Variants in PRR15L observed in about 807,000 individuals in gnomAD.
PRR15L encodes the protein proline rich 15 like.
A neutral mutation model predicts 3.7 loss-of-function variants in PRR15L; 1 was observed. The observed-to-expected ratio is 0.27, with a 90% CI of 0.09 to 1.27. The LOEUF (loss-of-function observed/expected upper bound fraction) is 1.27, where lower values mean the gene tolerates loss of function less well. Among genes scored for constraint, PRR15L ranks in the 50% most tolerant of loss-of-function variants. The pLI is 0.47. For synonymous variants in PRR15L, 57 were observed against 51.9 expected, an observed-to-expected ratio of 1.10 and a Z score of -0.42; for missense variants, 127 against 128.7, an observed-to-expected ratio of 0.99 and a Z score of 0.06.
chr17:47,954,982 T>G (rs771576979), intron 1 of PRR15L, among the ~76,000 whole-genome samples: 7 of 145,036 alleles, frequency 4.8e-5, no homozygotes, highest in Admixed American at 1.5e-4. Context: ...CAGGCTGGAG[T>G]AAAATGGCAT....
intron 1 of PRR15L, among the ~76,000 whole-genome samples, chr17:47,957,013 C>G (rs2036137501): frequency 6.6e-6 from 1 of 152,266 alleles, no homozygotes; most frequent in Admixed American, 6.5e-5. Flanking sequence ...CCAGCTTCAC[C>G]TCTGCTGTTT....
intron 1 of PRR15L, among the ~76,000 whole-genome samples, chr17:47,957,128 C>G (rs1034685348): frequency 2.3e-4 from 35 of 152,264 alleles, no homozygotes; most frequent in African/African-American, 8.2e-4. Context: ...AGAGGCCCCT[C>G]CATACCAGCT....
At chr17:47,957,106 G>T (rs1321430929) in intron 1 of PRR15L, among the ~76,000 whole-genome samples, 2 of 152,260 alleles carry the variant, frequency 1.3e-5, no homozygotes, top group Non-Finnish European at 2.9e-5. Flanking sequence ...GCATGCACAT[G>T]GGTGTCCCAG....
intron 1 of PRR15L, among the ~76,000 whole-genome samples, chr17:47,954,274 C>T (rs1300434022): frequency 2.6e-5 from 4 of 152,174 alleles, no homozygotes; most frequent in Admixed American, 2.6e-4. Context: ...TCACCCATCC[C>T]ATCCAGCACT....
In PRR15L at chr17:47,955,092, G is replaced by T. The variant is rs186312425; in HGVS notation, c.-29-1829C>A. 1.9e-3 allele frequency among the ~76,000 whole-genome samples: 295 copies of T among 152,078 alleles called. 2 individuals carry two copies. The highest frequency in any genetic ancestry group is 1.2e-3 in the Non-Finnish European group (79 of 67,970). ...TTACAGGCATGCGCCACCACGCCCG[G>T]CTAATTTTGTATTTTTAGTAGAGAC... On this transcript the variant is annotated intron_variant, in intron 1 of 1. Transcript: ENST00000300557.
In PRR15L at chr17:47,953,001, C is replaced by G. The variant is rs1479421097; in HGVS notation, c.234G>C (p.Glu78Asp). 1 of 1,614,176 alleles carries G rather than the reference C, an allele frequency of 6.2e-7. No homozygotes were observed. Among genetic ancestry groups the G allele is most frequent in the South Asian group, 1.1e-5 (1 of 91,084 alleles). The change falls in exon 2 of 2, where the codon GAG (glutamate) becomes GAC (aspartate). Residue 78 changes from glutamate to aspartate, a missense_variant. Transcript: ENST00000300557. ...VKVSNSGRFK[E>D]KKKVRATLAE... The stretch of plus-strand genomic sequence containing the variant: ...CCAGCGTGGCTCTCACTTTCTTCTT[C>G]TCCTTGAAGCGTCCTGAGTTGGAGA...
In PRR15L at chr17:47,953,265, T is replaced by G. The variant is rs368532790; in HGVS notation, c.-29-2A>C. The G allele has an allele frequency of 2.0e-6, 3 of 1,491,398 alleles. No homozygotes were observed. The highest frequency in any genetic ancestry group is 2.7e-6 in the Non-Finnish European group (3 of 1,114,950). 92.4% of individuals were successfully genotyped at this position (1,491,398 alleles called of 1,614,324 possible). On this transcript the variant is annotated splice_acceptor_variant, in intron 1 of 1. Coordinates refer to ENST00000300557, the MANE Select transcript of PRR15L (RefSeq NM_024320.4). LOFTEE classifies it low-confidence loss of function (5UTR_SPLICE). ...TCCCTAAGCCAAGGATGGGGCTTTC[T>G]GCTGGAGCAGGGTGGGGGAGACAAA...
Position 47,952,176 on chromosome 17 carries a change from G to A in PRR15L, c.*747C>T, listed in dbSNP as rs982225478. 2 of 152,134 alleles carry A rather than the reference G, an allele frequency of 1.3e-5. No individual in the cohort carries two copies. The highest frequency in any genetic ancestry group is 2.9e-5 in the Non-Finnish European group (2 of 68,028). 9.4% of individuals were successfully genotyped at this position (152,134 alleles called of 1,614,324 possible). ...CTGATATGTCTTAAATACTATTATA[G>A]TAGGAAAGGGAGAGGAGAAAATTCC... On this transcript the variant is annotated 3_prime_UTR_variant, in exon 2 of 2. Coordinates refer to ENST00000300557, the MANE Select transcript of PRR15L (RefSeq NM_024320.4).
rs374577016 is a variant in PRR15L, at chr17:47,953,238, G to A, written c.-4C>T. 78 of 1,560,778 alleles carry A rather than the reference G, an allele frequency of 5.0e-5. No individual in the cohort carries two copies. In the Middle Eastern group the frequency reaches 5.2e-4, roughly 10 times the overall value. ...ACCAACCAATTTCAGTCGTCATGGC[G>A]CTCCCTAAGCCAAGGATGGGGCTTT... On this transcript the variant is annotated 5_prime_UTR_variant, in exon 2 of 2. Coordinates refer to ENST00000300557, the MANE Select transcript of PRR15L (RefSeq NM_024320.4).
chr17:47,956,292 A>T (rs574754761), intron 1 of PRR15L, among the ~76,000 whole-genome samples: 2 of 152,318 alleles, frequency 1.3e-5, no homozygotes, highest in Admixed American at 1.3e-4. Flanking sequence ...GGGGAACCCC[A>T]TCTCTACTAA....
At chr17:47,954,778 G>T (rs1214599144) in intron 1 of PRR15L, among the ~76,000 whole-genome samples, 1 of 151,710 alleles carries the variant, frequency 6.6e-6, no homozygotes, top group African/African-American at 2.4e-5. Flanking sequence ...TTCTCAGGAT[G>T]CCTAGCTGCC....
rs759675827 is a variant in PRR15L, at chr17:47,952,897, G to A, written c.*26C>T. 1.3e-6 allele frequency: 2 copies of A among 1,582,080 alleles called. No homozygotes were observed. Among genetic ancestry groups the A allele is most frequent in the Non-Finnish European group, 1.7e-6 (2 of 1,161,620 alleles). On this transcript the variant is annotated 3_prime_UTR_variant, in exon 2 of 2. Transcript: ENST00000300557. ...GATCTGGCTGATGGCAGGGAGCCAA[G>A]AGGTGCTAGCACCCTCCTCAGCCCT... is the stretch of plus-strand genomic sequence containing the variant.
At position 47,952,692 on chromosome 17, in the gene PRR15L, T is replaced by C; in HGVS notation, c.*231A>G. On this transcript the variant is annotated 3_prime_UTR_variant, in exon 2 of 2. Transcript: ENST00000300557. Reference sequence around the variant, plus strand: ...TGGGTGAGACTTTTCACTCTTGAACTAGAGTGCCTTTGTATGTGGTCAGGG... The same window carrying C: ...TGGGTGAGACTTTTCACTCTTGAACCAGAGTGCCTTTGTATGTGGTCAGGG... 3 of 462,376 alleles carry C rather than the reference T, an allele frequency of 6.5e-6. No individual in the cohort carries two copies. The highest frequency in any genetic ancestry group is 1.2e-5 in the Non-Finnish European group (3 of 259,012). The allele number at this position is 462,376 out of a possible 1,614,324, so 28.6% of individuals were successfully genotyped here. A position where few individuals can be genotyped will look rare whatever the true frequency, so the allele number is the denominator to read the frequency against.
intron 1 of PRR15L, among the ~76,000 whole-genome samples, chr17:47,956,603 G>C (rs748019387): frequency 7.2e-5 from 11 of 152,362 alleles, no homozygotes; most frequent in South Asian, 4.1e-4. Context: ...ATGGAAATCT[G>C]AGTTTGCAAA....
Position 47,953,343 on chromosome 17 carries a change from C to G in PRR15L, c.-29-80G>C, listed in dbSNP as rs1482175274. On this transcript the variant is annotated intron_variant, in intron 1 of 1. Coordinates refer to ENST00000300557, the MANE Select transcript of PRR15L (RefSeq NM_024320.4). ...CCTTTGGACCAGCTTGCTGCAGACT[C>G]CTAATCATGGGCTGTTTTAAGAATT... 3.7e-6 allele frequency: 3 copies of G among 815,776 alleles called. No individual in the cohort carries two copies. The African/African-American group carries it at 5.1e-5, about 14-fold the overall frequency. The allele number at this position is 815,776 out of a possible 1,614,324, so 50.5% of individuals were successfully genotyped here. A position where few individuals can be genotyped will look rare whatever the true frequency, so the allele number is the denominator to read the frequency against.
chr17:47,953,443 A>G (rs1414540257), intron 1 of PRR15L, among the ~76,000 whole-genome samples, 180 bp from the exon 2 acceptor site: 1 of 152,084 alleles, frequency 6.6e-6, no homozygotes, highest in Non-Finnish European at 1.5e-5. Flanking sequence ...TGGATCACCT[A>G]AGGCCAGGAG....
At chr17:47,954,206 G>A (rs1447765826) in intron 1 of PRR15L, among the ~76,000 whole-genome samples, 1 of 152,136 alleles carries the variant, frequency 6.6e-6, no homozygotes, top group Non-Finnish European at 1.5e-5. Flanking sequence ...GAAGTCCTGG[G>A]GGCTGTCCTA....
intron 1 of PRR15L, among the ~76,000 whole-genome samples, chr17:47,957,184 G>T (rs1407141203): frequency 6.6e-6 from 1 of 152,252 alleles, no homozygotes; most frequent in Non-Finnish European, 1.5e-5. Flanking sequence ...ACTGAGCCAG[G>T]CCCCTCCTGA....
At chr17:47,954,258 G>A (rs765721059) in intron 1 of PRR15L, among the ~76,000 whole-genome samples, 3 of 152,122 alleles carry the variant, frequency 2.0e-5, no homozygotes, top group Non-Finnish European at 2.9e-5. Context: ...CTGGGCCTCA[G>A]TTTCCTCACC....
Sources: gnomAD v4.1 joint callset for allele counts (sites outside exome capture counted in the v4.1 genomes callset) on GRCh38, gnomAD v4.1.1 for gene constraint, MANE v1.5 for transcripts, NCBI Gene and HGNC (gene_info 2026-07-23, HGNC 2026-07-21) for gene names.